The following VSNL1 variants were observed in gnomAD, a reference collection of about 807,000 sequenced individuals.
VSNL1 encodes the protein visinin like 1, also known as visinin-like protein 1.
In VSNL1, 6 loss-of-function variants were observed where a neutral mutation model predicts 20.4. That is an observed-to-expected ratio of 0.29 (90% CI 0.16 to 0.58). The LOEUF (loss-of-function observed/expected upper bound fraction) is 0.58. VSNL1 is among the 20% of genes least tolerant of loss of function. The pLI, the probability that VSNL1 is intolerant of heterozygous loss-of-function variation, is 0.90. For synonymous variants in VSNL1, 93 were observed against 86.4 expected (o/e 1.08, Z -0.42); for missense variants, 100 against 234.5 (o/e 0.43, Z 3.75).
At chr2:17,575,089 A>G (rs981703409) in intron 1 of VSNL1, among the ~76,000 whole-genome samples, 2 of 152,190 alleles carry the variant, frequency 1.3e-5, no homozygotes, top group African/African-American at 4.8e-5. Flanking sequence ...CTGCCTCCCA[A>G]AGTGCTGGGA....
rs558397127 is a variant in VSNL1, at chr2:17,608,857, T to C, written c.162+16621T>C. 2.6e-5 allele frequency among the ~76,000 whole-genome samples: 4 copies of C among 152,186 alleles called. No individual in the cohort carries two copies. In the South Asian group the frequency reaches 8.3e-4, roughly 32 times the overall value. On this transcript the variant is annotated intron_variant, in intron 2 of 3. Transcript: ENST00000295156. The stretch of plus-strand genomic sequence containing the variant: ...TGTTAGGGATGTATGTTAATATGTG[T>C]TTATCATTTGAAGGGATGAATGACT...
rs958196108 is a variant in VSNL1 at position 17,634,290 on chromosome 2, C to T, written c.163-15120C>T. 2.0e-5 allele frequency among the ~76,000 whole-genome samples: 3 copies of T among 152,168 alleles called. No individual in the cohort carries two copies. The highest frequency in any genetic ancestry group is 2.9e-5 in the Non-Finnish European group (2 of 68,028). On this transcript the variant is annotated intron_variant, in intron 2 of 3. Transcript: ENST00000295156. This position sits in a 1 kb window ranked among gnomAD's most constrained non-coding sequence, Gnocchi z 4.3. ...TGGCTTACTGCTCTGCTGCTGCCAT[C>T]TTGATTCTTAATAATTTTTAAAGAG...
intron 1 of VSNL1, among the ~76,000 whole-genome samples, chr2:17,554,748 A>T (rs1416327168): frequency 1.3e-5 from 2 of 152,144 alleles, no homozygotes; most frequent in Non-Finnish European, 2.9e-5. Flanking sequence ...GCTCATTGTG[A>T]AAATTTGGAA....
At chr2:17,595,302 C>T (rs1430346332) in intron 2 of VSNL1, among the ~76,000 whole-genome samples, 1 of 152,144 alleles carries the variant, frequency 6.6e-6, no homozygotes, top group Non-Finnish European at 1.5e-5. Flanking sequence ...GTGATGGAGG[C>T]ATATAAAAGT....
chr2:17,598,921 A>G (rs150843937), intron 2 of VSNL1, among the ~76,000 whole-genome samples: 4 of 152,360 alleles, frequency 2.6e-5, no homozygotes, highest in African/African-American at 7.2e-5. Flanking sequence ...GGTTTTTACT[A>G]TGTAGATGAT....
At chr2:17,594,066 A>C (rs1664655636) in intron 2 of VSNL1, among the ~76,000 whole-genome samples, 1 of 152,218 alleles carries the variant, frequency 6.6e-6, no homozygotes, top group Non-Finnish European at 1.5e-5. Flanking sequence ...AAATAGTTGA[A>C]ATGCAGGAAA....
rs1572223990 is a variant in VSNL1, at chr2:17,649,634, C to T, written c.378+9C>T. ...TGCTGGAGATCATCGAGGTGAGGCC[C>T]GGGGTGTGGTTGGCGGGTGGTGGGC... On this transcript the variant is annotated intron_variant, in intron 3 of 3. Transcript: ENST00000295156. The surrounding 1 kb of genome is among the most constrained non-coding windows in gnomAD (Gnocchi z 6.4). The T allele has an allele frequency of 3.7e-6, 6 of 1,613,604 alleles. No homozygotes were observed. In the African/African-American group the frequency reaches 4.0e-5, roughly 11 times the overall value.
intron 2 of VSNL1, among the ~76,000 whole-genome samples, chr2:17,629,035 G>T (rs77245075): frequency 0.054 from 8,152 of 152,302 alleles, 255 homozygotes; most frequent in East Asian, 0.092. Context: ...CCAAGGCAAA[G>T]CTTCAGAAGC....
At chr2:17,616,441 G>T (rs1665218546) in intron 2 of VSNL1, among the ~76,000 whole-genome samples, 1 of 152,212 alleles carries the variant, frequency 6.6e-6, no homozygotes, top group Admixed American at 6.5e-5. Flanking sequence ...GTGTAGCCTT[G>T]ATCCAGTGAC....
At chr2:17,611,431 G>T (rs62132151) in intron 2 of VSNL1, among the ~76,000 whole-genome samples, 1 of 152,192 alleles carries the variant, frequency 6.6e-6, no homozygotes, top group Non-Finnish European at 1.5e-5. Flanking sequence ...TGTGGTGAGG[G>T]TGTCAGTGAT....
At chr2:17,651,449 C>T (rs1458988890) in intron 3 of VSNL1, among the ~76,000 whole-genome samples, 1 of 152,224 alleles carries the variant, frequency 6.6e-6, no homozygotes, top group African/African-American at 2.4e-5. Flanking sequence ...CAGACCAATG[C>T]AATGCTCTTA....
At chr2:17,540,395 C>G (rs1195993739), upstream of VSNL1, among the ~76,000 whole-genome samples, 3 of 152,254 alleles carry the variant, frequency 2.0e-5, no homozygotes, top group Non-Finnish European at 1.5e-5. Flanking sequence ...CCCGCAGTCC[C>G]TCGCGCCCGT....
intron 2 of VSNL1, among the ~76,000 whole-genome samples, chr2:17,632,542 G>T (rs932487959): frequency 7.2e-5 from 11 of 151,912 alleles, no homozygotes; most frequent in African/African-American, 2.7e-4. Flanking sequence ...CTCGTGATCT[G>T]CCCACCTTGG....
chr2:17,561,688 T>A (rs1663818835), intron 1 of VSNL1, among the ~76,000 whole-genome samples: 1 of 152,166 alleles, frequency 6.6e-6, no homozygotes, highest in Non-Finnish European at 1.5e-5. Context: ...CAGATGATGT[T>A]CCTTTTGATA....
chr2:17,646,716 C>A (rs1666006036), intron 2 of VSNL1, among the ~76,000 whole-genome samples: 1 of 152,058 alleles, frequency 6.6e-6, no homozygotes, highest in South Asian at 2.1e-4. Context: ...AAATTTAATA[C>A]AAGAATTGAA....
chr2:17,629,523 T>C (rs539378017), intron 2 of VSNL1, among the ~76,000 whole-genome samples: 1 of 152,346 alleles, frequency 6.6e-6, no homozygotes, highest in South Asian at 2.1e-4. Context: ...CCCCTCTCTG[T>C]GTAAGCCCTT....
At chr2:17,646,579 T>C (rs1377880245) in intron 2 of VSNL1, among the ~76,000 whole-genome samples, 5 of 152,190 alleles carry the variant, frequency 3.3e-5, no homozygotes, top group African/African-American at 4.8e-5. Flanking sequence ...CTAATACACA[T>C]ACACACACAC....
intron 1 of VSNL1, among the ~76,000 whole-genome samples, chr2:17,561,341 C>A (rs1018239749): frequency 1.1e-4 from 16 of 152,044 alleles, no homozygotes; most frequent in Admixed American, 3.3e-4. Context: ...AAGAGTGCTC[C>A]CCACAGAAGC....
At chr2:17,594,002 G>A (rs1191541201) in intron 2 of VSNL1, among the ~76,000 whole-genome samples, 1 of 152,200 alleles carries the variant, frequency 6.6e-6, no homozygotes, top group African/African-American at 2.4e-5. Context: ...AGAGAGCACC[G>A]TGTGCCACGT....
Sources: allele counts gnomAD v4.1 joint callset (sites outside exome capture counted in the v4.1 genomes callset), GRCh38; gene constraint gnomAD v4.1.1; non-coding constraint Gnocchi (gnomAD v3.1); transcripts MANE v1.5; gene names NCBI Gene and HGNC (gene_info 2026-07-23, HGNC 2026-07-21).